CALB2: variants seen among roughly 807,000 people sequenced by gnomAD.
CALB2 encodes the protein calbindin 2.
Under a neutral mutation model 45.9 loss-of-function variants are expected in CALB2, and 34 were observed. The observed-to-expected ratio is 0.74, with a 90% CI of 0.56 to 0.99. CALB2 has a LOEUF of 0.99. Ranked by LOEUF, CALB2 falls within the 50% of genes least tolerant of loss-of-function variation. The pLI, the probability that CALB2 is intolerant of heterozygous loss-of-function variation, is 0.00. For missense variants in CALB2, 344 were observed against 339.3 expected, an observed-to-expected ratio of 1.01 and a Z score of -0.11; for synonymous variants, 142 against 129.6, an observed-to-expected ratio of 1.10 and a Z score of -0.65.
chr16:71,379,573 T>C (rs1048496449), intron 4 of CALB2, among the ~76,000 whole-genome samples: 17 of 152,218 alleles, frequency 1.1e-4, no homozygotes, highest in African/African-American at 3.6e-4. Context: ...CCATTCAGCA[T>C]ATGCATCCCT....
chr16:71,366,024 CTTT>C (rs1171021532), intron 1 of CALB2, among the ~76,000 whole-genome samples: 1 of 45,064 alleles, frequency 2.2e-5, no homozygotes, highest in Non-Finnish European at 3.8e-5. Context: ...CTCTCTCTCT[CTTT>C]TTTTTTTTTT....
At chr16:71,359,386 A>G (rs981964049) in intron 1 of CALB2, among the ~76,000 whole-genome samples, 2 of 152,140 alleles carry the variant, frequency 1.3e-5, no homozygotes, top group Non-Finnish European at 2.9e-5. Context: ...AGGAGTGGAA[A>G]ATGGCATTGG....
Position 71,383,587 on chromosome 16 carries a change from T to C in CALB2, c.477+143T>C. 8.3e-6 allele frequency: 6 copies of C among 725,288 alleles called. No individual in the cohort carries two copies. The South Asian group carries it at 1.1e-4, about 13-fold the overall frequency. 44.9% of individuals were successfully genotyped at this position (725,288 alleles called of 1,614,324 possible). On this transcript the variant is annotated intron_variant, in intron 6 of 10. Coordinates refer to ENST00000302628, the MANE Select transcript of CALB2 (RefSeq NM_001740.5). ...CACAGTGGCAGCTGGCAAAAAGGGA[T>C]GCTACTTCGTGGCTTCACATACCCT...
intron 1 of CALB2, among the ~76,000 whole-genome samples, chr16:71,363,895 T>C (rs375835019): frequency 3.4e-4 from 52 of 152,276 alleles, no homozygotes; most frequent in African/African-American, 1.1e-3. Flanking sequence ...AGGAGCGCTT[T>C]CTCTGAACCC....
Position 71,372,152 on chromosome 16 carries a change from G to A in CALB2, c.95-1G>A, listed in dbSNP as rs763436332. ...TTGATTTTTTCTCTCTCTTTTTACAGGAAATGGGTATATTGAAGGTAAAGA... is the reference window on the plus strand; with the variant it reads ...TTGATTTTTTCTCTCTCTTTTTACAAGAAATGGGTATATTGAAGGTAAAGA... On this transcript the variant is annotated splice_acceptor_variant, in intron 1 of 10. Transcript: ENST00000302628. LOFTEE classifies it high-confidence loss of function. 1.2e-6 allele frequency: 2 copies of A among 1,602,638 alleles called. No individual in the cohort carries two copies. Among genetic ancestry groups the A allele is most frequent in the Admixed American group, 3.4e-5 (2 of 59,700 alleles).
chr16:71,384,223 G>C (rs944659239), intron 7 of CALB2, 116 bp from the exon 8 acceptor site: 25 of 1,020,312 alleles, frequency 2.5e-5, no homozygotes, highest in Middle Eastern at 4.1e-4. Flanking sequence ...GATTCATTAT[G>C]TGTGAAGTGC....
At chr16:71,358,927 G>A (rs769940416) in intron 1 of CALB2, 41 bp downstream of exon 1, 7 of 1,567,522 alleles carry the variant, frequency 4.5e-6, no homozygotes, top group Non-Finnish European at 6.1e-6. Flanking sequence ...TGGCACCCAG[G>A]GGACCTGCGG....
intron 6 of CALB2, among the ~76,000 whole-genome samples, 185 bp from the exon 7 acceptor site, chr16:71,383,785 C>T (rs1281711049): frequency 3.3e-5 from 5 of 152,088 alleles, no homozygotes; most frequent in African/African-American, 1.2e-4. Flanking sequence ...GTGAACGAGT[C>T]CCTGTGGTCC....
At chr16:71,369,650 A>G (rs1423243570) in intron 1 of CALB2, among the ~76,000 whole-genome samples, 1 of 152,094 alleles carries the variant, frequency 6.6e-6, no homozygotes, top group African/African-American at 2.4e-5. Flanking sequence ...TCACTGAACC[A>G]TGACACGCAC....
At chr16:71,359,688 C>G (rs2042218917) in intron 1 of CALB2, among the ~76,000 whole-genome samples, 1 of 152,202 alleles carries the variant, frequency 6.6e-6, no homozygotes, top group Admixed American at 6.5e-5. Context: ...GCCCCCAGCA[C>G]TGGGATTCCA....
At chr16:71,374,939 C>T in intron 3 of CALB2, 105 bp downstream of exon 3, 1 of 720,120 alleles carries the variant, frequency 1.4e-6, no homozygotes, top group South Asian at 1.7e-5. Flanking sequence ...AGGTGGGGGC[C>T]TCAAAGCTCC....
intron 5 of CALB2, 84 bp from the exon 6 acceptor site, chr16:71,383,283 G>C (rs554368488): frequency 8.4e-6 from 10 of 1,193,630 alleles, no homozygotes; most frequent in Non-Finnish European, 1.2e-5. Context: ...CACATTGAGA[G>C]ACTGTCTGAA....
At chr16:71,382,160 A>AGGAAG (rs1567542438) in intron 4 of CALB2, among the ~76,000 whole-genome samples, 1 of 63,494 alleles carries the variant, frequency 1.6e-5, no homozygotes, top group African/African-American at 6.0e-5. Flanking sequence ...AGGAAAGAAA[A>AGGAAG]TAAAGGAAGG....
At chr16:71,380,770 C>T (rs1435292020) in intron 4 of CALB2, among the ~76,000 whole-genome samples, 1 of 152,138 alleles carries the variant, frequency 6.6e-6, no homozygotes, top group Non-Finnish European at 1.5e-5. Context: ...CAGCCAGAAG[C>T]CTGAAATGGT....
At chr16:71,363,773 A>C (rs1389646133) in intron 1 of CALB2, among the ~76,000 whole-genome samples, 4 of 152,220 alleles carry the variant, frequency 2.6e-5, no homozygotes, top group Non-Finnish European at 5.9e-5. Context: ...TATATAAATG[A>C]CACAACAGTT....
chr16:71,360,922 G>GT (rs1048460261), intron 1 of CALB2, among the ~76,000 whole-genome samples: 1 of 152,108 alleles, frequency 6.6e-6, no homozygotes, highest in Non-Finnish European at 1.5e-5. Flanking sequence ...TTGGAAGAGG[G>GT]TTTTTTTCCA....
At chr16:71,372,573 A>G (rs972159950) in intron 2 of CALB2, among the ~76,000 whole-genome samples, 1 of 152,192 alleles carries the variant, frequency 6.6e-6, no homozygotes, top group African/African-American at 2.4e-5. Context: ...AGGGGTCATG[A>G]TTCCAGATTG....
At chr16:71,388,681 A>G (rs1421137209) in intron 10 of CALB2, among the ~76,000 whole-genome samples, 1 of 152,044 alleles carries the variant, frequency 6.6e-6, no homozygotes, top group Non-Finnish European at 1.5e-5. Context: ...GGGATTTAGA[A>G]TTCCTTGCTT....
At chr16:71,378,556 C>G (rs1019954755) in intron 4 of CALB2, among the ~76,000 whole-genome samples, 2 of 151,420 alleles carry the variant, frequency 1.3e-5, no homozygotes, top group African/African-American at 4.9e-5. Flanking sequence ...AAAACAAAAA[C>G]AAAAAAAAGG....
Sources: gnomAD v4.1 joint callset for allele counts (sites outside exome capture counted in the v4.1 genomes callset) on GRCh38, gnomAD v4.1.1 for gene constraint, MANE v1.5 for transcripts, NCBI Gene and HGNC (gene_info 2026-07-23, HGNC 2026-07-21) for gene names.